DPP6: variants seen among roughly 807,000 people sequenced by gnomAD.
DPP6 encodes the protein dipeptidyl peptidase like 6.
DPP6 carries 69 observed loss-of-function variants against 122.6 expected under a neutral mutation model. That is an observed-to-expected ratio of 0.56 (90% CI 0.46 to 0.69). The LOEUF is 0.69. Ranked by LOEUF, DPP6 falls within the 30% of genes least tolerant of loss-of-function variation. DPP6 has a pLI of 0.00. For missense variants in DPP6, 928 were observed against 1,116.9 expected (o/e 0.83, Z 2.41); for synonymous variants, 418 against 433.1 (o/e 0.97, Z 0.43).
chr7:154,769,522 C>A lies in DPP6; in HGVS notation c.989C>A (p.Thr330Asn), dbSNP rs750212774. 3 of 1,613,524 alleles carry A rather than the reference C, an allele frequency of 1.9e-6. No individual in the cohort carries two copies. The highest frequency in any genetic ancestry group is 2.2e-5 in the East Asian group (1 of 44,864). ...DSRVPIMELPTYTGSIYPTVK... is the reference protein window; with the variant it reads ...DSRVPIMELPNYTGSIYPTVK... ...CGTGTCCCCATCATGGAGCTCCCAACTTACACCGGCTCCATCTACCCCACC... is the reference window on the plus strand; with the variant it reads ...CGTGTCCCCATCATGGAGCTCCCAAATTACACCGGCTCCATCTACCCCACC... Residue 330 changes from threonine to asparagine, a missense_variant, in exon 9 of 26, where the codon ACT becomes AAT. Coordinates refer to ENST00000377770, the MANE Select transcript of DPP6 (RefSeq NM_130797.4).
At chr7:154,855,685 C>T (rs1802775911) in intron 17 of DPP6, among the ~76,000 whole-genome samples, 1 of 152,198 alleles carries the variant, frequency 6.6e-6, no homozygotes, top group Non-Finnish European at 1.5e-5. Flanking sequence ...AGAACTTCCA[C>T]CAAGGCCTGG....
At chr7:153,854,503 G>A in the DPP6 span, among the ~76,000 whole-genome samples, 1 of 145,810 alleles carries the variant, frequency 6.9e-6, no homozygotes, top group Non-Finnish European at 1.5e-5. Flanking sequence ...ATCATCACTG[G>A]CCATCAGAGA....
intron 7 of DPP6, among the ~76,000 whole-genome samples, chr7:154,680,693 T>TA (rs1563097342): frequency 1.5e-4 from 14 of 90,638 alleles, no homozygotes; most frequent in African/African-American, 5.2e-4. Flanking sequence ...TATATTTTTT[T>TA]TAAAAAAAAA....
chr7:154,874,606 C>G (rs937256176), intron 19 of DPP6, among the ~76,000 whole-genome samples: 6 of 152,246 alleles, frequency 3.9e-5, no homozygotes, highest in Admixed American at 3.3e-4. Context: ...ATGCAGCACT[C>G]GAGCGCGCCG....
chr7:154,596,505 A>G (rs1833101812), intron 5 of DPP6, among the ~76,000 whole-genome samples: 1 of 152,252 alleles, frequency 6.6e-6, no homozygotes, highest in African/African-American at 2.4e-5. Context: ...TCCTCTGTAT[A>G]TTAAGGTGTT....
At chr7:154,744,969 A>T (rs1038174641) in intron 8 of DPP6, among the ~76,000 whole-genome samples, 7 of 152,240 alleles carry the variant, frequency 4.6e-5, no homozygotes, top group African/African-American at 1.7e-4. Flanking sequence ...CTGTTTTGAT[A>T]TGTATCTTGC....
Position 154,868,052 on chromosome 7 carries a change from T to C in DPP6, c.1772T>C (p.Met591Thr), listed in dbSNP as rs1301290973. 1 of 1,609,656 alleles carries C rather than the reference T, an allele frequency of 6.2e-7. No homozygotes were observed. Among genetic ancestry groups the C allele is most frequent in the Non-Finnish European group, 8.5e-7 (1 of 1,178,152 alleles). Residue 591 changes from methionine (M) to threonine (T), a missense_variant, in exon 18 of 26, where the codon ATG becomes ACG. Transcript: ENST00000377770. ...HVKKAINDRQ[M>T]PKVEYRDIEI... ...AAGAAGGCCATAAATGACCGACAGA[T>C]GCCTAAAGTGGAATACAGGGACATT...
intron 1 of DPP6, among the ~76,000 whole-genome samples, chr7:154,237,968 C>A (rs1288994133): frequency 6.6e-6 from 1 of 152,204 alleles, no homozygotes; most frequent in African/African-American, 2.4e-5. Context: ...CACCCTCTGC[C>A]AGCTCGTGTC....
intron 1 of DPP6, among the ~76,000 whole-genome samples, chr7:154,250,442 A>T (rs1002868263): frequency 6.6e-6 from 1 of 151,832 alleles, no homozygotes; most frequent in Non-Finnish European, 1.5e-5. Flanking sequence ...ACTGGTGTGC[A>T]TTGCCCAGAG....
At chr7:154,108,260 T>C (rs997607951) in intron 1 of DPP6, among the ~76,000 whole-genome samples, 2 of 152,176 alleles carry the variant, frequency 1.3e-5, no homozygotes, top group African/African-American at 4.8e-5. Context: ...GGCCAGCCTC[T>C]CAGCCACCAA....
intron 1 of DPP6, among the ~76,000 whole-genome samples, chr7:153,909,814 A>T (rs1173981476): frequency 1.3e-5 from 2 of 152,122 alleles, no homozygotes; most frequent in Non-Finnish European, 2.9e-5. Context: ...GAGGGGACAC[A>T]ATTGTCATGA....
At chr7:153,850,851 T>A in the DPP6 span, among the ~76,000 whole-genome samples, 1 of 152,162 alleles carries the variant, frequency 6.6e-6, no homozygotes, top group African/African-American at 2.4e-5. Context: ...CACATGGGGC[T>A]TATTAGAATT....
chr7:154,261,899 T>C (rs1585769667), intron 1 of DPP6, among the ~76,000 whole-genome samples: 1 of 152,144 alleles, frequency 6.6e-6, no homozygotes, highest in East Asian at 1.9e-4. Context: ...TTGCTTATAC[T>C]TGGAGAAGCT....
chr7:154,481,283 T>A lies in DPP6; in HGVS notation c.457+6246T>A, dbSNP rs888201195. Among the ~76,000 whole-genome samples the A allele has an allele frequency of 2.0e-5, 3 of 152,098 alleles. No individual in the cohort carries two copies. Among genetic ancestry groups the A allele is most frequent in the Non-Finnish European group, 4.4e-5 (3 of 68,028 alleles). On this transcript the variant is annotated intron_variant, in intron 3 of 25. Transcript: ENST00000377770. The surrounding 1 kb of genome is among the most constrained non-coding windows in gnomAD (Gnocchi z 4.2). Reference sequence around the variant, plus strand: ...ATGTTAGGTATTGTCTATATGATGATGAGTTTCAATTCTCTAGCTCAAATG... The same window carrying A: ...ATGTTAGGTATTGTCTATATGATGAAGAGTTTCAATTCTCTAGCTCAAATG...
chr7:154,060,171 G>A (rs574982952), intron 1 of DPP6, among the ~76,000 whole-genome samples: 10 of 148,248 alleles, frequency 6.7e-5, no homozygotes, highest in South Asian at 2.1e-4. Context: ...CATCGCAGGG[G>A]GGGAGGCACC....
intron 1 of DPP6, among the ~76,000 whole-genome samples, chr7:153,939,574 G>T (rs983052934): frequency 6.6e-6 from 1 of 152,184 alleles, no homozygotes; most frequent in African/African-American, 2.4e-5. Context: ...TGGGGTTAGG[G>T]ATTCCTCCCC....
intron 12 of DPP6, among the ~76,000 whole-genome samples, chr7:154,797,140 G>T (rs556879087): frequency 1.3e-5 from 2 of 152,210 alleles, no homozygotes; most frequent in Admixed American, 6.5e-5. Flanking sequence ...TACAATAAAA[G>T]GAACATTTTG....
At chr7:154,104,928 C>T (rs1170883422) in intron 1 of DPP6, among the ~76,000 whole-genome samples, 1 of 151,844 alleles carries the variant, frequency 6.6e-6, no homozygotes, top group Non-Finnish European at 1.5e-5. Context: ...AGTGGTGGCA[C>T]ACCTCTGTGT....
At chr7:154,216,164 G>A (rs999064705) in intron 1 of DPP6, among the ~76,000 whole-genome samples, 4 of 152,196 alleles carry the variant, frequency 2.6e-5, no homozygotes, top group East Asian at 3.9e-4. Context: ...CCCACGGGAC[G>A]CATTGAGTGC....
Sources: allele counts gnomAD v4.1 joint callset (sites outside exome capture counted in the v4.1 genomes callset), GRCh38; gene constraint gnomAD v4.1.1; non-coding constraint Gnocchi (gnomAD v3.1); transcripts MANE v1.5; gene names NCBI Gene and HGNC (gene_info 2026-07-23, HGNC 2026-07-21).